OPCML: variants seen among roughly 807,000 people sequenced by gnomAD.
The protein encoded by OPCML is opioid binding protein/cell adhesion molecule like, also known as opioid-binding protein/cell adhesion molecule.
Under a neutral mutation model 37.8 loss-of-function variants are expected in OPCML, and 13 were observed. The ratio of observed to expected loss-of-function variants is 0.34; its 90% CI spans 0.22 to 0.55. The LOEUF is 0.55. Ranked by LOEUF, OPCML falls within the 20% of genes least tolerant of loss-of-function variation. OPCML has a pLI of 0.91. For missense variants in OPCML, 341 were observed against 435.6 expected, an observed-to-expected ratio of 0.78 and a Z score of 1.93; for synonymous variants, 176 against 168.8, an observed-to-expected ratio of 1.04 and a Z score of -0.33.
At chr11:132,497,853 T>A (rs1045232894) in intron 4 of OPCML, among the ~76,000 whole-genome samples, 4 of 152,178 alleles carry the variant, frequency 2.6e-5, no homozygotes, top group African/African-American at 9.7e-5. Context: ...CAATGCTATA[T>A]GAAAATGGGA....
At chr11:132,958,228 C>T (rs1946011458) in intron 1 of OPCML, among the ~76,000 whole-genome samples, 1 of 152,168 alleles carries the variant, frequency 6.6e-6, no homozygotes. Flanking sequence ...GAAAGTCAAA[C>T]CAGCCACAAC....
At chr11:133,317,254 C>T (rs1028675749) in intron 1 of OPCML, among the ~76,000 whole-genome samples, 1 of 152,168 alleles carries the variant, frequency 6.6e-6, no homozygotes, top group Admixed American at 6.5e-5. Context: ...ACTATACCAT[C>T]ATTATTCTAC....
At chr11:132,705,378 C>T (rs904704775) in intron 2 of OPCML, among the ~76,000 whole-genome samples, 5 of 151,876 alleles carry the variant, frequency 3.3e-5, no homozygotes, top group African/African-American at 1.2e-4. Flanking sequence ...ATCACTTGAG[C>T]TCAGGAGTTC....
At chr11:133,169,153 T>A (rs1257839005) in intron 1 of OPCML, among the ~76,000 whole-genome samples, 2 of 152,014 alleles carry the variant, frequency 1.3e-5, no homozygotes, top group African/African-American at 4.8e-5. Context: ...TAAATAAAAA[T>A]TTAAAAAGTA....
At chr11:133,232,991 A>G (rs1940343499) in intron 1 of OPCML, among the ~76,000 whole-genome samples, 1 of 152,300 alleles carries the variant, frequency 6.6e-6, no homozygotes, top group South Asian at 2.1e-4. Flanking sequence ...ACCTGCTTCC[A>G]CTGTCATGGA....
chr11:132,550,985 C>G (rs1356398109), intron 3 of OPCML, among the ~76,000 whole-genome samples: 1 of 152,234 alleles, frequency 6.6e-6, no homozygotes, highest in African/African-American at 2.4e-5. Context: ...TGCAGTGAAT[C>G]TGGCTCATTT....
chr11:133,515,694 G>T (rs926125954), intron 1 of OPCML, among the ~76,000 whole-genome samples: 1 of 152,002 alleles, frequency 6.6e-6, no homozygotes, highest in South Asian at 2.1e-4. Context: ...GGTGCATCAA[G>T]AGGGAAAGGA....
chr11:133,362,478 G>A (rs939934734), intron 1 of OPCML, among the ~76,000 whole-genome samples: 3 of 152,144 alleles, frequency 2.0e-5, no homozygotes, highest in African/African-American at 7.2e-5. Flanking sequence ...TTAGGCCTCC[G>A]GGGAAGTGAG....
intron 1 of OPCML, among the ~76,000 whole-genome samples, chr11:133,053,395 T>G (rs1948166745): frequency 6.6e-6 from 1 of 152,198 alleles, no homozygotes; most frequent in Non-Finnish European, 1.5e-5. Context: ...AACTGCCTTG[T>G]TTCTCTGCTC....
intron 1 of OPCML, among the ~76,000 whole-genome samples, chr11:133,446,484 G>A (rs181201990): frequency 3.2e-4 from 48 of 152,200 alleles, no homozygotes; most frequent in African/African-American, 1.1e-3. Context: ...TAGTGTGGTG[G>A]TGTAGTCATA....
intron 1 of OPCML, among the ~76,000 whole-genome samples, chr11:133,221,458 G>A (rs1272865173): frequency 6.6e-6 from 1 of 152,200 alleles, no homozygotes; most frequent in Admixed American, 6.5e-5. Context: ...TCCCTGAGTT[G>A]TTTAAGGTGT....
chr11:132,703,224 T>C (rs541082646), intron 2 of OPCML, among the ~76,000 whole-genome samples: 1 of 152,286 alleles, frequency 6.6e-6, no homozygotes, highest in South Asian at 2.1e-4. Flanking sequence ...AGTCTATTGC[T>C]CCTAGGCTAT....
chr11:132,706,275 A>C (rs1944032714), intron 2 of OPCML, among the ~76,000 whole-genome samples: 1 of 152,194 alleles, frequency 6.6e-6, no homozygotes, highest in Admixed American at 6.5e-5. Flanking sequence ...TAAAAGGGCC[A>C]AAAAAGTGGA....
intron 1 of OPCML, chr11:133,422,145 GTGTT>G (rs1356992713): frequency 2.1e-5 from 20 of 969,676 alleles, no homozygotes; most frequent in Non-Finnish European, 2.3e-5. Flanking sequence ...AGGCCCCGAT[GTGTT>G]TGTTTGTTTG....
At chr11:133,185,731 T>C (rs1167435608) in intron 1 of OPCML, among the ~76,000 whole-genome samples, 2 of 152,216 alleles carry the variant, frequency 1.3e-5, no homozygotes, top group Admixed American at 1.3e-4. Context: ...GTTGATCTGG[T>C]GCCTTTCTTT....
intron 3 of OPCML, among the ~76,000 whole-genome samples, chr11:132,580,118 A>C (rs929097121): frequency 6.6e-6 from 1 of 152,116 alleles, no homozygotes; most frequent in Non-Finnish European, 1.5e-5. Flanking sequence ...ATTTGGTCCC[A>C]TGGGACAACG....
intron 3 of OPCML, among the ~76,000 whole-genome samples, chr11:132,597,261 T>C (rs2096493831): frequency 6.6e-6 from 1 of 152,238 alleles, no homozygotes; most frequent in Non-Finnish European, 1.5e-5. Flanking sequence ...CACAATATGC[T>C]ATGTGCAAAG....
At chr11:133,215,052 C>T (rs186506732) in intron 1 of OPCML, among the ~76,000 whole-genome samples, 1 of 152,330 alleles carries the variant, frequency 6.6e-6, no homozygotes, top group East Asian at 1.9e-4. Context: ...TTGCCATAGT[C>T]ACAAATATAC....
At chr11:132,523,079 G>A (rs2096298204) in intron 4 of OPCML, among the ~76,000 whole-genome samples, 1 of 152,156 alleles carries the variant, frequency 6.6e-6, no homozygotes, top group Non-Finnish European at 1.5e-5. Flanking sequence ...TGCAACTACA[G>A]GCGTGGTTGT....
Sources: gnomAD v4.1 joint callset for allele counts (sites outside exome capture counted in the v4.1 genomes callset) on GRCh38, gnomAD v4.1.1 for gene constraint, MANE v1.5 for transcripts, NCBI Gene and HGNC (gene_info 2026-07-23, HGNC 2026-07-21) for gene names.